Variants in ACCSL observed in about 807,000 individuals in gnomAD.
ACCSL encodes the protein probable inactive 1-aminocyclopropane-1-carboxylate synthase-like protein 2.
In ACCSL, 55 loss-of-function variants were observed where a neutral mutation model predicts 61.7. The ratio of observed to expected loss-of-function variants is 0.89; its 90% CI spans 0.72 to 1.12. The LOEUF is 1.12. Among genes scored for constraint, ACCSL ranks in the 50% most tolerant of loss-of-function variants. The pLI is 0.00. For synonymous variants in ACCSL, 258 were observed against 264.3 expected, an observed-to-expected ratio of 0.98 and a Z score of 0.23; for missense variants, 632 against 698.0, an observed-to-expected ratio of 0.91 and a Z score of 1.07.
the ACCSL span, among the ~76,000 whole-genome samples, chr11:44,029,779 A>G: frequency 1.1e-4 from 16 of 152,040 alleles, no homozygotes; most frequent in African/African-American, 3.9e-4. Flanking sequence ...TTGGCCCTCC[A>G]GAGGAGCAGT....
At chr11:44,023,529 C>T in the ACCSL span, among the ~76,000 whole-genome samples, 5 of 151,302 alleles carry the variant, frequency 3.3e-5, no homozygotes, top group African/African-American at 1.2e-4. Flanking sequence ...TTTTGTAACT[C>T]GAATTTTTTC....
chr11:44,006,499 ATTTTT>A, the ACCSL span, among the ~76,000 whole-genome samples: 468 of 89,460 alleles, frequency 5.2e-3, 2 homozygotes, highest in African/African-American at 0.013. Flanking sequence ...CCTCTTTGAG[ATTTTT>A]TTTTTTTTTT....
At chr11:44,032,810 C>T in the ACCSL span, among the ~76,000 whole-genome samples, 1 of 152,132 alleles carries the variant, frequency 6.6e-6, no homozygotes, top group Non-Finnish European at 1.5e-5. Context: ...AGCCCTCCTG[C>T]CAAGAATTTT....
the ACCSL span, among the ~76,000 whole-genome samples, chr11:44,029,230 G>C: frequency 2.0e-5 from 3 of 152,246 alleles, no homozygotes; most frequent in Non-Finnish European, 4.4e-5. Flanking sequence ...GAGGCCTGCA[G>C]GTCCCTCCTG....
chr11:44,018,055 G>A, the ACCSL span, among the ~76,000 whole-genome samples: 1 of 152,136 alleles, frequency 6.6e-6, no homozygotes, highest in African/African-American at 2.4e-5. Context: ...CAGGAGCCAG[G>A]GATCCAGGGG....
At chr11:44,054,369 A>C (rs1952657848) in intron 8 of ACCSL, among the ~76,000 whole-genome samples, 1 of 152,184 alleles carries the variant, frequency 6.6e-6, no homozygotes, top group African/African-American at 2.4e-5. Context: ...GAATGGGTTC[A>C]CTTCCCAGCT....
chr11:43,963,191 C>A, the ACCSL span, among the ~76,000 whole-genome samples: 3 of 152,310 alleles, frequency 2.0e-5, no homozygotes, highest in African/African-American at 7.2e-5. Flanking sequence ...TGAGTGTGTT[C>A]TATTCATAGT....
chr11:43,974,852 T>C, the ACCSL span, among the ~76,000 whole-genome samples: 2 of 152,194 alleles, frequency 1.3e-5, no homozygotes, highest in African/African-American at 4.8e-5. Flanking sequence ...AACATCTTGA[T>C]TGCAATCTCA....
the ACCSL span, among the ~76,000 whole-genome samples, chr11:43,946,254 A>C: frequency 6.6e-6 from 1 of 152,060 alleles, no homozygotes; most frequent in African/African-American, 2.4e-5. Context: ...AGTAGCCACC[A>C]TGCCCAGCTA....
chr11:43,979,568 G>C, the ACCSL span, among the ~76,000 whole-genome samples: 1 of 152,190 alleles, frequency 6.6e-6, no homozygotes, highest in South Asian at 2.1e-4. Flanking sequence ...CTCATTTTAT[G>C]CCCTGAATAG....
At chr11:43,988,002 G>C in the ACCSL span, among the ~76,000 whole-genome samples, 4 of 151,942 alleles carry the variant, frequency 2.6e-5, no homozygotes, top group Admixed American at 6.6e-5. Context: ...AATGGTTTCA[G>C]TCCCAGGGGT....
the ACCSL span, among the ~76,000 whole-genome samples, chr11:44,038,066 G>T: frequency 6.6e-6 from 1 of 152,150 alleles, no homozygotes; most frequent in South Asian, 2.1e-4. Flanking sequence ...AATAAACGAT[G>T]CATGTAATAA....
chr11:44,011,744 G>A, the ACCSL span, among the ~76,000 whole-genome samples: 4 of 152,162 alleles, frequency 2.6e-5, no homozygotes, highest in African/African-American at 9.7e-5. Context: ...TCACATATGG[G>A]TGGTGGAGAC....
the ACCSL span, among the ~76,000 whole-genome samples, chr11:44,041,277 C>A: frequency 6.6e-6 from 1 of 152,244 alleles, no homozygotes; most frequent in East Asian, 1.9e-4. Flanking sequence ...ATAATTCTTA[C>A]CTCACAGCAG....
chr11:44,011,565 A>C, the ACCSL span, among the ~76,000 whole-genome samples: 1 of 152,236 alleles, frequency 6.6e-6, no homozygotes, highest in Admixed American at 6.5e-5. Flanking sequence ...AGAGGTGCTC[A>C]ATAAATATTT....
chr11:43,990,939 C>T, the ACCSL span, among the ~76,000 whole-genome samples: 2 of 152,208 alleles, frequency 1.3e-5, no homozygotes, highest in East Asian at 3.9e-4. Context: ...GGTATGGTGA[C>T]AGGTGCCTGT....
At chr11:43,942,417 T>C in the ACCSL span, 16,978 of 204,226 alleles carry the variant, frequency 0.083, 924 homozygotes, top group African/African-American at 0.14. Context: ...GGCCGCGGCT[T>C]CTCCCGGAAC....
At chr11:44,038,937 C>T in the ACCSL span, among the ~76,000 whole-genome samples, 2 of 152,124 alleles carry the variant, frequency 1.3e-5, no homozygotes, top group Non-Finnish European at 2.9e-5. Context: ...GGGGAACTGT[C>T]AAAGGATCTT....
the ACCSL span, among the ~76,000 whole-genome samples, chr11:43,987,508 G>C: frequency 2.0e-5 from 3 of 152,212 alleles, no homozygotes; most frequent in Non-Finnish European, 4.4e-5. Context: ...GTTGGCGCTA[G>C]GTATCCTTTG....
Sources: gnomAD v4.1 joint callset for allele counts (sites outside exome capture counted in the v4.1 genomes callset) on GRCh38, gnomAD v4.1.1 for gene constraint, MANE v1.5 for transcripts, NCBI Gene and HGNC (gene_info 2026-07-23, HGNC 2026-07-21) for gene names.